The following ZMAT4 variants were observed in gnomAD, a reference collection of about 807,000 sequenced individuals.
ZMAT4 encodes the protein zinc finger matrin-type 4.
A neutral mutation model predicts 28.7 loss-of-function variants in ZMAT4; 17 were observed. The observed-to-expected ratio is 0.59, with a 90% CI of 0.41 to 0.89. The LOEUF (loss-of-function observed/expected upper bound fraction) is 0.89, where lower values mean the gene tolerates loss of function less well. ZMAT4 is among the 40% of genes least tolerant of loss of function. The pLI is 0.00. For missense variants in ZMAT4, 240 were observed against 283.8 expected, an observed-to-expected ratio of 0.85 and a Z score of 1.11; for synonymous variants, 117 against 109.2, an observed-to-expected ratio of 1.07 and a Z score of -0.44.
Position 40,601,458 on chromosome 8 carries a change from G to GGA in ZMAT4, c.578-20198_578-20197insTC, listed in dbSNP as rs1563359900. ...GAAGGAAGGAAGGAAGGAAGGAAGG[G>GGA]AGGAAGAAAGGAAAGAAAGAAAGAA... On this transcript the variant is annotated intron_variant, in intron 5 of 6. Transcript: ENST00000297737. 1.2e-3 allele frequency among the ~76,000 whole-genome samples: 33 copies of GGA among 28,198 alleles called. 2 individuals are homozygous for GGA. The highest frequency in any genetic ancestry group is 5.6e-3 in the African/African-American group (30 of 5,370). 18.5% of individuals were successfully genotyped at this position (28,198 alleles called of 152,430 possible). A position where few individuals can be genotyped will look rare whatever the true frequency, so the allele number is the denominator to read the frequency against.
intron 5 of ZMAT4, among the ~76,000 whole-genome samples, chr8:40,642,236 T>C (rs1320843016): frequency 1.3e-5 from 2 of 152,220 alleles, no homozygotes; most frequent in African/African-American, 2.4e-5. Flanking sequence ...TGGTACTTTA[T>C]CTGTTAAACT....
Position 40,664,790 on chromosome 8 carries a change from C to A in ZMAT4, c.577+9914G>T, listed in dbSNP as rs964627823. ...TAGTTGCATTGGTTACCTTATAAATCTTTTTTAAAATAATTATTGCTATTG... is the reference window on the plus strand; with the variant it reads ...TAGTTGCATTGGTTACCTTATAAATATTTTTTAAAATAATTATTGCTATTG... On this transcript the variant is annotated intron_variant, in intron 5 of 6. Transcript: ENST00000297737. 4.6e-5 allele frequency among the ~76,000 whole-genome samples: 7 copies of A among 152,184 alleles called. No homozygotes were observed. The South Asian group carries it at 1.2e-3, about 27-fold the overall frequency.
At chr8:40,858,692 C>T (rs1399794679) in intron 1 of ZMAT4, among the ~76,000 whole-genome samples, 1 of 152,160 alleles carries the variant, frequency 6.6e-6, no homozygotes, top group East Asian at 1.9e-4. Context: ...TCACAGGGCT[C>T]ATTCCGCCAA....
At chr8:40,736,881 A>G (rs1371389862) in intron 3 of ZMAT4, among the ~76,000 whole-genome samples, 2 of 149,130 alleles carry the variant, frequency 1.3e-5, no homozygotes, top group Non-Finnish European at 3.0e-5. Flanking sequence ...AATAGGGGTA[A>G]AAGTGAGATA....
intron 3 of ZMAT4, among the ~76,000 whole-genome samples, chr8:40,761,274 A>G (rs1812925639): frequency 6.6e-6 from 1 of 152,158 alleles, no homozygotes; most frequent in African/African-American, 2.4e-5. Flanking sequence ...TGAATATAAA[A>G]CAACATATGT....
intron 3 of ZMAT4, among the ~76,000 whole-genome samples, chr8:40,711,709 A>G (rs1810630431): frequency 6.6e-6 from 1 of 152,218 alleles, no homozygotes; most frequent in African/African-American, 2.4e-5. Context: ...GCAAGATTAA[A>G]CTATGCTCAT....
rs1289148204 is a variant in ZMAT4, at chr8:40,629,050, C to T, written c.577+45654G>A. On this transcript the variant is annotated intron_variant, in intron 5 of 6. Coordinates refer to ENST00000297737, the MANE Select transcript of ZMAT4 (RefSeq NM_024645.3). Reference sequence around the variant, plus strand: ...TCTTTATTCTTTGTTCATCCCTTCGCCCTCTTTATTTTCTTTTTGGGACTC... The same window carrying T: ...TCTTTATTCTTTGTTCATCCCTTCGTCCTCTTTATTTTCTTTTTGGGACTC... 2.0e-5 allele frequency among the ~76,000 whole-genome samples: 3 copies of T among 150,152 alleles called. No homozygotes were observed. The South Asian group carries it at 6.4e-4, about 32-fold the overall frequency.
chr8:40,827,263 G>C (rs545490542), intron 1 of ZMAT4, among the ~76,000 whole-genome samples: 1 of 152,270 alleles, frequency 6.6e-6, no homozygotes, highest in Non-Finnish European at 1.5e-5. Flanking sequence ...TTCTAAGAAA[G>C]TGATAGTGAA....
At position 40,836,881 on chromosome 8, in the gene ZMAT4, G is replaced by T. The variant is rs186719626; in HGVS notation, c.-4-11201C>A. Reference sequence around the variant, plus strand: ...CATTCTGTTATTAACGACGGTAACTGATGTTAGTGATAGTGAGATGATGAT... The same window carrying T: ...CATTCTGTTATTAACGACGGTAACTTATGTTAGTGATAGTGAGATGATGAT... On this transcript the variant is annotated intron_variant, in intron 1 of 6. Coordinates refer to ENST00000297737, the MANE Select transcript of ZMAT4 (RefSeq NM_024645.3). Among the ~76,000 whole-genome samples the T allele has an allele frequency of 6.7e-4, 102 of 152,266 alleles. 1 individual carries two copies. Among genetic ancestry groups the T allele is most frequent in the African/African-American group, 2.4e-3 (99 of 41,548 alleles).
At chr8:40,861,781 G>A (rs1817502687) in intron 1 of ZMAT4, among the ~76,000 whole-genome samples, 1 of 152,094 alleles carries the variant, frequency 6.6e-6, no homozygotes, top group Admixed American at 6.6e-5. Flanking sequence ...ACACTTCTCA[G>A]AAGAAGACAT....
rs545453924 is a variant in ZMAT4, at chr8:40,789,066, G to A, written c.103-21336C>T. Among the ~76,000 whole-genome samples the A allele has an allele frequency of 2.7e-5, 4 of 147,570 alleles. No individual in the cohort carries two copies. In the East Asian group the frequency reaches 8.0e-4, roughly 30 times the overall value. On this transcript the variant is annotated intron_variant, in intron 2 of 6. Transcript: ENST00000297737. ...GAAGGAGAAGGGAAGGGAAGGGAAG[G>A]GAGGGAAGGGAGTGAGGGAGGGAGG...
intron 6 of ZMAT4, among the ~76,000 whole-genome samples, chr8:40,576,526 G>T (rs1030254641): frequency 9.9e-5 from 13 of 131,670 alleles, no homozygotes; most frequent in Non-Finnish European, 2.0e-4. Context: ...TTTAAGGGCT[G>T]AAAGGAAAAA....
At chr8:40,737,034 G>A (rs1811793979) in intron 3 of ZMAT4, among the ~76,000 whole-genome samples, 1 of 152,210 alleles carries the variant, frequency 6.6e-6, no homozygotes, top group South Asian at 2.1e-4. Context: ...CAGAGGTCCA[G>A]AAGTAAGCAG....
intron 1 of ZMAT4, among the ~76,000 whole-genome samples, chr8:40,852,191 CA>C (rs1312921241): frequency 6.6e-6 from 1 of 152,124 alleles, no homozygotes; most frequent in African/African-American, 2.4e-5. Context: ...TGTCCTTTAA[CA>C]AATCTCTCCC....
At chr8:40,645,092 G>C (rs928648650) in intron 5 of ZMAT4, among the ~76,000 whole-genome samples, 2 of 152,022 alleles carry the variant, frequency 1.3e-5, no homozygotes, top group Non-Finnish European at 2.9e-5. Flanking sequence ...TAAAAATTAA[G>C]GAAATCTGAA....
chr8:40,695,263 C>G (rs2150492139), intron 4 of ZMAT4, among the ~76,000 whole-genome samples: 1 of 152,342 alleles, frequency 6.6e-6, no homozygotes, highest in Middle Eastern at 3.4e-3. Flanking sequence ...GCCTTGCTTT[C>G]TCTGCTCCCT....
intron 5 of ZMAT4, among the ~76,000 whole-genome samples, chr8:40,589,316 T>A (rs763770222): frequency 2.0e-5 from 3 of 152,164 alleles, no homozygotes; most frequent in Non-Finnish European, 4.4e-5. Context: ...ACCCACACAT[T>A]CTGGCTGTAG....
chr8:40,651,952 A>C (rs1216362281), intron 5 of ZMAT4, among the ~76,000 whole-genome samples: 3 of 116,870 alleles, frequency 2.6e-5, no homozygotes, highest in Non-Finnish European at 5.5e-5. Flanking sequence ...TAAAGACTTA[A>C]ATGTTAGACC....
At chr8:40,722,232 C>G (rs1197325184) in intron 3 of ZMAT4, among the ~76,000 whole-genome samples, 2 of 152,062 alleles carry the variant, frequency 1.3e-5, no homozygotes, top group Non-Finnish European at 2.9e-5. Flanking sequence ...TCAGAGTGAA[C>G]AGGCAACCTA....
Sources: gnomAD v4.1 joint callset for allele counts (sites outside exome capture counted in the v4.1 genomes callset) on GRCh38, gnomAD v4.1.1 for gene constraint, MANE v1.5 for transcripts, NCBI Gene and HGNC (gene_info 2026-07-23, HGNC 2026-07-21) for gene names.